Variants in TAF4B observed in about 807,000 individuals in gnomAD.
The protein encoded by TAF4B is TATA-box binding protein associated factor 4b, also known as transcription initiation factor TFIID subunit 4B.
TAF4B carries 38 observed loss-of-function variants against 86.4 expected under a neutral mutation model. The observed-to-expected ratio is 0.44, with a 90% CI of 0.34 to 0.58. TAF4B has a LOEUF of 0.58. Among genes scored for constraint, TAF4B ranks in the 20% least tolerant of loss-of-function variants. The probability of loss-of-function intolerance (pLI) is 0.02; values close to 1 mark genes in which losing one functional copy is unlikely to be tolerated. For synonymous variants in TAF4B, 388 were observed against 391.2 expected, an observed-to-expected ratio of 0.99 and a Z score of 0.10; for missense variants, 988 against 1,027.6, an observed-to-expected ratio of 0.96 and a Z score of 0.53.
In TAF4B at chr18:26,286,482, G is replaced by C; in HGVS notation, c.1573G>C (p.Val525Leu). 6.2e-7 allele frequency: 1 copy of C among 1,605,878 alleles called. No individual in the cohort carries two copies. The highest frequency in any genetic ancestry group is 1.1e-5 in the South Asian group (1 of 89,338). ...LSQPAGIPQA[V>L]QVKQLVVQQP... ...ACAACCAGCTGGGATTCCACAGGCA[G>C]TTCAAGTCAAGCAACTAGTGAGTAA... The change falls in exon 7 of 15, where the codon GTT becomes CTT. Residue 525 changes from valine to leucine, a missense_variant. Physicochemically the swap from Val to Leu is conservative, Grantham distance 32. This residue lies in a region of TAF4B where 747 missense variants were observed against 737.9 expected (regional missense o/e 1.01). Coordinates refer to ENST00000269142, the MANE Select transcript of TAF4B (RefSeq NM_005640.3).
At chr18:26,256,866 G>A (rs2144514516) in intron 1 of TAF4B, among the ~76,000 whole-genome samples, 1 of 149,934 alleles carries the variant, frequency 6.7e-6, no homozygotes, top group Non-Finnish European at 1.5e-5. Flanking sequence ...TTCCATTGTA[G>A]GTGGAGACCA....
At chr18:26,257,546 T>G (rs988090623) in intron 1 of TAF4B, among the ~76,000 whole-genome samples, 1 of 152,302 alleles carries the variant, frequency 6.6e-6, no homozygotes, top group Non-Finnish European at 1.5e-5. Context: ...GCATTTAATG[T>G]TGTTATATAT....
intron 13 of TAF4B, among the ~76,000 whole-genome samples, chr18:26,340,645 G>T (rs2057128690): frequency 1.3e-5 from 2 of 152,000 alleles, no homozygotes; most frequent in Non-Finnish European, 1.5e-5. Flanking sequence ...ACTGTAGTAG[G>T]TCTAGGGTAG....
intron 1 of TAF4B, among the ~76,000 whole-genome samples, chr18:26,243,228 A>G (rs2055868188): frequency 6.6e-6 from 1 of 152,114 alleles, no homozygotes; most frequent in African/African-American, 2.4e-5. Flanking sequence ...CACCAATCAG[A>G]TGTAGATTTG....
At chr18:26,252,019 A>C (rs577283370) in intron 1 of TAF4B, among the ~76,000 whole-genome samples, 1 of 152,302 alleles carries the variant, frequency 6.6e-6, no homozygotes, top group African/African-American at 2.4e-5. Flanking sequence ...AAATTCAAAA[A>C]TCCTCTCACA....
At chr18:26,276,832 C>T (rs1016768183) in intron 5 of TAF4B, among the ~76,000 whole-genome samples, 122 of 152,038 alleles carry the variant, frequency 8.0e-4, no homozygotes, top group African/African-American at 2.6e-3. Flanking sequence ...GAAATGAATA[C>T]GTATCCCATA....
At position 26,321,171 on chromosome 18, in the gene TAF4B, A is replaced by G. The variant is rs777833862; in HGVS notation, c.2104A>G (p.Ile702Val). ...AGGCCTTCTAGAAAAACTGACTGCA[A>G]TTGCTCAGCATCGAATGACTACTTA... ...LRGLLEKLTA[I>V]AQHRMTTYKA... The change falls in exon 11 of 15, where the codon ATT becomes GTT. Residue 702 changes from isoleucine to valine, a missense_variant. Physicochemically the swap from Ile to Val is conservative, Grantham distance 29 (BLOSUM62 3). Coordinates refer to ENST00000269142, the MANE Select transcript of TAF4B (RefSeq NM_005640.3). The G allele has an allele frequency of 1.1e-5, 17 of 1,613,704 alleles. No homozygotes were observed. Among genetic ancestry groups the G allele is most frequent in the Admixed American group, 8.3e-5 (5 of 59,984 alleles).
chr18:26,336,251 A>AT (rs1456052430), intron 13 of TAF4B, among the ~76,000 whole-genome samples: 1 of 152,146 alleles, frequency 6.6e-6, no homozygotes, highest in Non-Finnish European at 1.5e-5. Context: ...AATAAGAGTG[A>AT]TTTTCTGAGC....
At chr18:26,365,442 A>T (rs867652412) in intron 14 of TAF4B, among the ~76,000 whole-genome samples, 40 of 152,354 alleles carry the variant, frequency 2.6e-4, no homozygotes, top group Admixed American at 2.3e-3. Context: ...TCCGGCTTGT[A>T]GCCAAAAAGA....
At chr18:26,366,784 TTAAG>T (rs2057374600) in intron 14 of TAF4B, among the ~76,000 whole-genome samples, 1 of 152,234 alleles carries the variant, frequency 6.6e-6, no homozygotes, top group South Asian at 2.1e-4. Flanking sequence ...CAGTTGTTAA[TTAAG>T]TATTGGCAGT....
intron 14 of TAF4B, among the ~76,000 whole-genome samples, chr18:26,378,088 C>T (rs2057454872): frequency 6.6e-6 from 1 of 151,930 alleles, no homozygotes; most frequent in East Asian, 1.9e-4. Flanking sequence ...TCCTATGGGG[C>T]GTTTGGAAAT....
intron 14 of TAF4B, among the ~76,000 whole-genome samples, chr18:26,388,725 G>A (rs1281938418): frequency 2.6e-5 from 4 of 152,198 alleles, no homozygotes; most frequent in Admixed American, 6.5e-5. Flanking sequence ...AGGTTAGAGC[G>A]AAGGAAGCCA....
At chr18:26,373,269 A>G (rs1421893030) in intron 14 of TAF4B, among the ~76,000 whole-genome samples, 1 of 152,088 alleles carries the variant, frequency 6.6e-6, no homozygotes, top group Non-Finnish European at 1.5e-5. Context: ...GGAGGTCCAA[A>G]GCTTGCCCTC....
At chr18:26,291,036 C>T (rs1438104495) in intron 7 of TAF4B, among the ~76,000 whole-genome samples, 2 of 152,130 alleles carry the variant, frequency 1.3e-5, no homozygotes, top group Non-Finnish European at 2.9e-5. Context: ...AACATTTCTT[C>T]TCTAGGGGCA....
intron 1 of TAF4B, among the ~76,000 whole-genome samples, chr18:26,244,370 T>C (rs757152477): frequency 6.6e-6 from 1 of 152,266 alleles, no homozygotes; most frequent in Non-Finnish European, 1.5e-5. Context: ...TGGGACCCTC[T>C]GAGCCAGGCG....
In TAF4B at chr18:26,321,102, G is replaced by T. The variant is rs750922923; in HGVS notation, c.2035G>T (p.Asp679Tyr). Residue 679 changes from aspartate to tyrosine, a missense_variant, in exon 11 of 15, where the codon GAT (aspartate) becomes TAT (tyrosine). Coordinates refer to ENST00000269142, the MANE Select transcript of TAF4B (RefSeq NM_005640.3). ...KKHDITELNS[D>Y]AVNLISQATQ... ...GCATGACATTACAGAACTTAACTCT[G>T]ATGCTGTGAACTTGATCTCCCAAGC... 3.7e-6 allele frequency: 6 copies of T among 1,613,726 alleles called. No homozygotes were observed. In the African/African-American group the frequency reaches 4.0e-5, roughly 11 times the overall value.
chr18:26,242,760 G>A (rs1243270621), intron 1 of TAF4B, among the ~76,000 whole-genome samples: 1 of 152,208 alleles, frequency 6.6e-6, no homozygotes, highest in Non-Finnish European at 1.5e-5. Flanking sequence ...TCCTTCAGGA[G>A]CTCTTGTAAG....
intron 9 of TAF4B, among the ~76,000 whole-genome samples, chr18:26,299,063 G>A (rs1247143983): frequency 6.6e-6 from 1 of 151,524 alleles, no homozygotes; most frequent in Non-Finnish European, 1.5e-5. Flanking sequence ...GTTTCTCCAT[G>A]TTAGTCAGGT....
chr18:26,346,877 G>GTA lies in TAF4B; in HGVS notation c.2317-10791_2317-10790dup, dbSNP rs1220239621. On this transcript the variant is annotated intron_variant, in intron 13 of 14. Coordinates refer to ENST00000269142, the MANE Select transcript of TAF4B (RefSeq NM_005640.3). Reference sequence around the variant, plus strand: ...TATATATGTGTATATATATATATGTGTATATATATATATATATATATATGT... The same window carrying GTA: ...TATATATGTGTATATATATATATGTGTATATATATATATATATATATATATGT... Among the ~76,000 whole-genome samples, 17 of 6,610 alleles carry GTA rather than the reference G, an allele frequency of 2.6e-3. 1 individual carries two copies. Among genetic ancestry groups the GTA allele is most frequent in the East Asian group, 8.6e-3 (1 of 116 alleles). 4.3% of individuals were successfully genotyped at this position (6,610 alleles called of 152,430 possible). A position where few individuals can be genotyped will look rare whatever the true frequency, so the allele number is the denominator to read the frequency against.
Sources: allele counts gnomAD v4.1 joint callset (sites outside exome capture counted in the v4.1 genomes callset), GRCh38; gene constraint gnomAD v4.1.1; regional missense constraint gnomAD v4.1.1; transcripts MANE v1.5; gene names NCBI Gene and HGNC (gene_info 2026-07-23, HGNC 2026-07-21).